THSD7B: variants seen among roughly 807,000 people sequenced by gnomAD.
THSD7B encodes thrombospondin type 1 domain containing 7B.
THSD7B carries 138 observed loss-of-function variants against 213.6 expected under a neutral mutation model. The ratio of observed to expected loss-of-function variants is 0.65; its 90% confidence interval spans 0.56 to 0.74. The LOEUF is 0.74. Ranked by LOEUF, THSD7B falls within the 30% of genes least tolerant of loss-of-function variation. The pLI is 0.00. For missense variants in THSD7B, 1,931 were observed against 1,991.5 expected, an observed-to-expected ratio of 0.97 and a Z score of 0.58; for synonymous variants, 742 against 687.0, an observed-to-expected ratio of 1.08 and a Z score of -1.25.
intron 12 of THSD7B, among the ~76,000 whole-genome samples, chr2:137,364,309 G>A (rs1340626244): frequency 2.6e-5 from 4 of 152,192 alleles, no homozygotes; most frequent in African/African-American, 9.6e-5. Context: ...GCAAAAACTG[G>A]AAGCATTCCC....
chr2:136,822,928 GT>G (rs1682588859), intron 1 of THSD7B, among the ~76,000 whole-genome samples: 1 of 152,192 alleles, frequency 6.6e-6, no homozygotes. Context: ...CTAAGGAAAT[GT>G]GTGATTCTAA....
At chr2:137,054,455 T>A (rs1687123598) in intron 2 of THSD7B, among the ~76,000 whole-genome samples, 1 of 152,204 alleles carries the variant, frequency 6.6e-6, no homozygotes, top group Non-Finnish European at 1.5e-5. Flanking sequence ...AACCGGACCC[T>A]TTTGTCCTAC....
chr2:136,913,606 G>T (rs1684304240), intron 2 of THSD7B, among the ~76,000 whole-genome samples: 1 of 152,232 alleles, frequency 6.6e-6, no homozygotes, highest in South Asian at 2.1e-4. Context: ...GGGACTTTGT[G>T]CCTTGTTTCC....
intron 17 of THSD7B, among the ~76,000 whole-genome samples, chr2:137,612,026 T>C (rs1016012634): frequency 7.2e-5 from 11 of 152,236 alleles, no homozygotes; most frequent in African/African-American, 2.7e-4. Flanking sequence ...GACCAAGTGA[T>C]GCATATAGAT....
intron 14 of THSD7B, among the ~76,000 whole-genome samples, chr2:137,415,680 T>G (rs1573612935): frequency 6.7e-6 from 1 of 150,186 alleles, no homozygotes; most frequent in East Asian, 2.0e-4. Context: ...TTTTTTTTTT[T>G]TTTTTTTTTC....
At chr2:137,500,889 T>G (rs889939160) in intron 15 of THSD7B, among the ~76,000 whole-genome samples, 1 of 152,228 alleles carries the variant, frequency 6.6e-6, no homozygotes, top group African/African-American at 2.4e-5. Context: ...CAGAAAGGAT[T>G]GTTGCAAATG....
At chr2:137,091,433 A>G (rs1190658171) in intron 3 of THSD7B, among the ~76,000 whole-genome samples, 2 of 152,244 alleles carry the variant, frequency 1.3e-5, no homozygotes, top group Non-Finnish European at 2.9e-5. Flanking sequence ...ACATTTCTGC[A>G]TTAGTTTGCT....
At chr2:137,342,153 A>G (rs1684776194) in intron 12 of THSD7B, among the ~76,000 whole-genome samples, 1 of 151,510 alleles carries the variant, frequency 6.6e-6, no homozygotes, top group South Asian at 2.1e-4. Context: ...ATATATTTTA[A>G]TTTGTATATT....
intron 24 of THSD7B, 103 bp from the exon 25 acceptor site, chr2:137,659,561 T>C (rs1683302843): frequency 6.0e-6 from 6 of 1,008,362 alleles, no homozygotes; most frequent in Non-Finnish European, 8.7e-6. Context: ...AAAATAATAA[T>C]ACTGTTGCAA....
chr2:137,328,917 T>G (rs930282132), intron 12 of THSD7B, among the ~76,000 whole-genome samples: 5 of 152,236 alleles, frequency 3.3e-5, no homozygotes, highest in Non-Finnish European at 7.3e-5. Flanking sequence ...CCAGCCATGC[T>G]GAACTGTGAG....
intron 15 of THSD7B, among the ~76,000 whole-genome samples, chr2:137,525,541 T>A (rs1680262795): frequency 6.6e-6 from 1 of 152,196 alleles, no homozygotes; most frequent in Non-Finnish European, 1.5e-5. Context: ...GAATACATTT[T>A]AAAATATGCT....
At chr2:137,421,901 A>G (rs1260744775) in intron 14 of THSD7B, among the ~76,000 whole-genome samples, 1 of 152,160 alleles carries the variant, frequency 6.6e-6, no homozygotes, top group Admixed American at 6.5e-5. Flanking sequence ...GTAACACCAC[A>G]CTTACCATCT....
chr2:137,271,018 G>A (rs1456758528), intron 10 of THSD7B, among the ~76,000 whole-genome samples: 1 of 152,050 alleles, frequency 6.6e-6, no homozygotes, highest in Non-Finnish European at 1.5e-5. Flanking sequence ...GCTTCTCACT[G>A]TGGGTCTTCT....
At chr2:137,036,820 C>T (rs182495386) in intron 2 of THSD7B, among the ~76,000 whole-genome samples, 48 of 152,256 alleles carry the variant, frequency 3.2e-4, no homozygotes, top group African/African-American at 8.4e-4. Flanking sequence ...CTTGTCTGTC[C>T]GCACAGTGGC....
chr2:137,298,076 C>T (rs1349731804), intron 12 of THSD7B, among the ~76,000 whole-genome samples: 1 of 152,110 alleles, frequency 6.6e-6, no homozygotes, highest in African/African-American at 2.4e-5. Flanking sequence ...AAGTTTGGAA[C>T]CTCCTAGCGA....
intron 12 of THSD7B, among the ~76,000 whole-genome samples, chr2:137,391,888 G>A (rs1009424667): frequency 1.3e-5 from 2 of 152,094 alleles, no homozygotes; most frequent in Non-Finnish European, 2.9e-5. Flanking sequence ...TAATGCTACA[G>A]ACTTCTTTCT....
chr2:137,644,716 T>C (rs2104864606), intron 21 of THSD7B, among the ~76,000 whole-genome samples: 1 of 152,292 alleles, frequency 6.6e-6, no homozygotes, highest in East Asian at 1.9e-4. Flanking sequence ...GAAAAACATC[T>C]TTCTGCCGCT....
chr2:137,377,249 AT>A (rs1685677107), intron 12 of THSD7B, among the ~76,000 whole-genome samples: 1 of 152,160 alleles, frequency 6.6e-6, no homozygotes, highest in Non-Finnish European at 1.5e-5. Flanking sequence ...CAGAATTCTA[AT>A]TTGGTAAATA....
intron 3 of THSD7B, among the ~76,000 whole-genome samples, chr2:137,060,787 G>T (rs1256457256): frequency 6.6e-6 from 1 of 151,884 alleles, no homozygotes; most frequent in African/African-American, 2.4e-5. Context: ...AAGCAGAGAA[G>T]TGTCAGTCTT....
Sources: allele counts gnomAD v4.1 joint callset (sites outside exome capture counted in the v4.1 genomes callset), GRCh38; gene constraint gnomAD v4.1.1; transcripts MANE v1.5; gene names NCBI Gene and HGNC (gene_info 2026-07-23, HGNC 2026-07-21).